Variants in ADAMTS17 observed in about 807,000 individuals in gnomAD.
ADAMTS17 encodes the protein ADAM metallopeptidase with thrombospondin type 1 motif 17, also known as A disintegrin and metalloproteinase with thrombospondin motifs 17.
Under a neutral mutation model 141.5 loss-of-function variants are expected in ADAMTS17, and 113 were observed. The ratio of observed to expected loss-of-function variants is 0.80; its 90% CI spans 0.69 to 0.93. The LOEUF is 0.93. Ranked by LOEUF, ADAMTS17 falls within the 40% of genes least tolerant of loss-of-function variation. ADAMTS17 has a pLI of 0.00. For synonymous variants in ADAMTS17, 768 were observed against 630.6 expected (o/e 1.22, Z -3.27); for missense variants, 1,659 against 1,517.9 (o/e 1.09, Z -1.54).
In ADAMTS17 at chr15:99,974,525, C is replaced by G. The variant is rs141373128; in HGVS notation, c.3165G>C (p.Thr1055=). Residue 1055 remains threonine (T), a synonymous_variant, in exon 22 of 22, where the codon ACG becomes ACC. Coordinates refer to ENST00000268070, the MANE Select transcript of ADAMTS17 (RefSeq NM_139057.4). ...TTTCTCGGATGACCCGGCAATATAC[C>G]GTCCACTGGTCTCGTGTGCATTTGT... ...LTYKCTRDQW[T]VYCRVIREKN... The G allele has an allele frequency of 5.0e-5, 81 of 1,614,128 alleles. No individual in the cohort carries two copies. Among genetic ancestry groups the G allele is most frequent in the Non-Finnish European group, 6.4e-5 (76 of 1,180,048 alleles).
intron 7 of ADAMTS17, among the ~76,000 whole-genome samples, chr15:100,229,590 C>G (rs191364416): frequency 1.2e-4 from 18 of 152,280 alleles, no homozygotes; most frequent in Admixed American, 8.5e-4. Context: ...GACCCAGTCT[C>G]CTGGCTGCAG....
intron 15 of ADAMTS17, among the ~76,000 whole-genome samples, chr15:100,076,663 T>C (rs962817053): frequency 2.0e-5 from 3 of 152,202 alleles, no homozygotes; most frequent in Non-Finnish European, 2.9e-5. Flanking sequence ...CGTTAGGACA[T>C]AGATTTATTG....
intron 3 of ADAMTS17, 87 bp downstream of exon 3, chr15:100,330,802 T>C: frequency 1.3e-6 from 2 of 1,541,170 alleles, no homozygotes; most frequent in Non-Finnish European, 8.9e-7. Context: ...AAGTTCTCAC[T>C]CATGTGGCTT....
intron 10 of ADAMTS17, among the ~76,000 whole-genome samples, chr15:100,150,028 G>A (rs554805239): frequency 1.8e-4 from 28 of 152,302 alleles, no homozygotes; most frequent in Non-Finnish European, 3.4e-4. Context: ...CTTTCTGCTA[G>A]TTATTGGAGA....
At chr15:100,219,527 G>C (rs2042067587) in intron 7 of ADAMTS17, among the ~76,000 whole-genome samples, 1 of 152,116 alleles carries the variant, frequency 6.6e-6, no homozygotes, top group African/African-American at 2.4e-5. Context: ...TATATAATCA[G>C]AGAGCGTTAT....
Position 99,972,662 on chromosome 15 carries a change from C to G in ADAMTS17, c.*1740G>C, listed in dbSNP as rs1160664675. ...GCGGGGCGAGGGTGGGCCGCTCCATCCTGACACCCTCGGTTCTTTCCACAG... is the reference window on the plus strand; with the variant it reads ...GCGGGGCGAGGGTGGGCCGCTCCATGCTGACACCCTCGGTTCTTTCCACAG... On this transcript the variant is annotated 3_prime_UTR_variant, in exon 22 of 22. Transcript: ENST00000268070. The G allele has an allele frequency of 2.6e-5, 4 of 152,200 alleles. No individual in the cohort carries two copies. The highest frequency in any genetic ancestry group is 5.9e-5 in the Non-Finnish European group (4 of 68,038). The allele number at this position is 152,200 out of a possible 1,614,324, so 9.4% of individuals were successfully genotyped here. A position where few individuals can be genotyped will look rare whatever the true frequency, so the allele number is the denominator to read the frequency against.
At position 100,039,857 on chromosome 15, in the gene ADAMTS17, T is replaced by C. The variant is rs566495801; in HGVS notation, c.2591+9000A>G. 8.5e-5 allele frequency among the ~76,000 whole-genome samples: 13 copies of C among 152,316 alleles called. No individual in the cohort carries two copies. The South Asian group carries it at 2.7e-3, about 32-fold the overall frequency. On this transcript the variant is annotated intron_variant, in intron 18 of 21. Coordinates refer to ENST00000268070, the MANE Select transcript of ADAMTS17 (RefSeq NM_139057.4). ...GTTATTACTGTTAGGTATTTATTCC[T>C]TCATTTCTGTCAGTTTTGCTCCATG...
Position 100,261,646 on chromosome 15 carries a change from G to A in ADAMTS17, c.874-10C>T. On this transcript the variant is annotated splice_polypyrimidine_tract_variant and intron_variant, in intron 5 of 21. Coordinates refer to ENST00000268070, the MANE Select transcript of ADAMTS17 (RefSeq NM_139057.4). ...CAATGGACAACTTAGCCTAAAAAAA[G>A]TCAGAGGACAGTTAGAGAAACAAAC... is the stretch of plus-strand genomic sequence containing the variant. The A allele has an allele frequency of 6.2e-7, 1 of 1,612,890 alleles. No individual in the cohort carries two copies. The highest frequency in any genetic ancestry group is 8.5e-7 in the Non-Finnish European group (1 of 1,179,464).
At chr15:100,286,728 A>G (rs984997763) in intron 3 of ADAMTS17, among the ~76,000 whole-genome samples, 11 of 152,176 alleles carry the variant, frequency 7.2e-5, no homozygotes, top group Non-Finnish European at 2.9e-5. Context: ...AATACAGTAT[A>G]AACACACTGG....
At chr15:100,014,831 T>G (rs1328220035) in intron 18 of ADAMTS17, among the ~76,000 whole-genome samples, 1 of 152,206 alleles carries the variant, frequency 6.6e-6, no homozygotes, top group African/African-American at 2.4e-5. Context: ...AGAATGTGTA[T>G]TCTGCAGTTG....
intron 13 of ADAMTS17, among the ~76,000 whole-genome samples, chr15:100,111,617 C>T (rs12916305): frequency 0.28 from 42,155 of 152,214 alleles, 6,028 homozygotes; most frequent in East Asian, 0.39. Context: ...GCAAGGGTCC[C>T]TTGGCTGAAG....
intron 13 of ADAMTS17, among the ~76,000 whole-genome samples, chr15:100,114,881 T>A (rs184225057): frequency 6.6e-6 from 1 of 152,178 alleles, no homozygotes; most frequent in East Asian, 1.9e-4. Context: ...AAAACAGAAG[T>A]TTAATCTGGA....
At chr15:100,059,807 G>A (rs908220713) in intron 15 of ADAMTS17, among the ~76,000 whole-genome samples, 5 of 152,142 alleles carry the variant, frequency 3.3e-5, no homozygotes, top group Admixed American at 3.3e-4. Context: ...AGGCCCATGA[G>A]GCTGCAGCTC....
At chr15:100,277,346 G>C (rs558296972) in intron 4 of ADAMTS17, among the ~76,000 whole-genome samples, 1 of 152,174 alleles carries the variant, frequency 6.6e-6, no homozygotes, top group South Asian at 2.1e-4. Context: ...AGGGGTGCAG[G>C]GTGGGAGTGT....
rs375751792 is a variant in ADAMTS17, at chr15:99,974,590, G to C, written c.3128-28C>G. On this transcript the variant is annotated intron_variant, in intron 21 of 21. Coordinates refer to ENST00000268070, the MANE Select transcript of ADAMTS17 (RefSeq NM_139057.4). ...AAGGGGATAGGAGAGAGAATACCCA[G>C]GGTCAGGGATGGCCTAGGCATGTCC... The C allele has an allele frequency of 6.2e-6, 10 of 1,614,132 alleles. No individual in the cohort carries two copies. The African/African-American group carries it at 9.3e-5, about 15-fold the overall frequency.
At chr15:100,192,930 G>C (rs1465421774) in intron 8 of ADAMTS17, among the ~76,000 whole-genome samples, 1 of 152,028 alleles carries the variant, frequency 6.6e-6, no homozygotes, top group Non-Finnish European at 1.5e-5. Context: ...ACACTTTGCA[G>C]GGATCAGATT....
At chr15:100,045,304 C>T (rs976260219) in intron 18 of ADAMTS17, among the ~76,000 whole-genome samples, 1 of 152,066 alleles carries the variant, frequency 6.6e-6, no homozygotes, top group Non-Finnish European at 1.5e-5. Flanking sequence ...TCTTTTCATA[C>T]TAAATCTTTG....
At chr15:100,133,580 C>G (rs1263786181) in intron 10 of ADAMTS17, among the ~76,000 whole-genome samples, 1 of 152,184 alleles carries the variant, frequency 6.6e-6, no homozygotes. Flanking sequence ...CACCGAGGGC[C>G]TAGGAGATAT....
intron 3 of ADAMTS17, among the ~76,000 whole-genome samples, chr15:100,311,738 TCTTA>T (rs981658908): frequency 6.6e-6 from 1 of 152,142 alleles, no homozygotes; most frequent in Non-Finnish European, 1.5e-5. Context: ...AGCTTTTCTT[TCTTA>T]ATCAAGTAAT....
Sources: allele counts gnomAD v4.1 joint callset (sites outside exome capture counted in the v4.1 genomes callset), GRCh38; gene constraint gnomAD v4.1.1; transcripts MANE v1.5; gene names NCBI Gene and HGNC (gene_info 2026-07-23, HGNC 2026-07-21).